Variants in ABCC5 observed in about 807,000 individuals in gnomAD.
ABCC5 encodes ATP binding cassette subfamily C member 5, also known as ATP-binding cassette sub-family C member 5.
ABCC5 carries 61 observed loss-of-function variants against 160.9 expected under a neutral mutation model. That is an observed-to-expected ratio of 0.38 (90% CI 0.31 to 0.47). The LOEUF is 0.47. Among genes scored for constraint, ABCC5 ranks in the 20% least tolerant of loss-of-function variants. ABCC5 has a pLI of 0.99. For missense variants in ABCC5, 1,308 were observed against 1,813.3 expected (o/e 0.72, Z 5.06); for synonymous variants, 666 against 700.6 (o/e 0.95, Z 0.78).
At position 183,956,008 on chromosome 3, in the gene ABCC5, G is replaced by A. The variant is rs139379791; in HGVS notation, c.2483-2738C>T. 1.6e-3 allele frequency among the ~76,000 whole-genome samples: 203 copies of A among 130,754 alleles called. 28 individuals are homozygous for A. The highest frequency in any genetic ancestry group is 5.0e-3 in the Middle Eastern group (1 of 202). 85.8% of individuals were successfully genotyped at this position (130,754 alleles called of 152,430 possible). On this transcript the variant is annotated intron_variant, in intron 17 of 29. Coordinates refer to ENST00000334444, the MANE Select transcript of ABCC5 (RefSeq NM_005688.4). ...TGCAGCTCCATGTGTATATCACATC[G>A]GTTACATGTTCATCCATGTGTATAT...
chr3:183,978,186 C>T (rs1009073105), intron 9 of ABCC5, among the ~76,000 whole-genome samples: 3 of 152,168 alleles, frequency 2.0e-5, no homozygotes, highest in African/African-American at 7.2e-5. Flanking sequence ...ACTATTTGTG[C>T]ATAAGGGCTG....
intron 26 of ABCC5, among the ~76,000 whole-genome samples, chr3:183,933,165 C>CAAAAAAAAAAAAAAAAAAAAAAAA (rs55863712): frequency 1.4e-5 from 1 of 73,726 alleles, no homozygotes; most frequent in African/African-American, 5.3e-5. Flanking sequence ...GAGACTGTCT[C>CAAAAAAAAAAAAAAAAAAAAAAAA]AAAAAAAAAA....
chr3:183,985,302 A>C (rs750873048), intron 5 of ABCC5: 1 of 1,613,030 alleles, frequency 6.2e-7, no homozygotes, highest in Non-Finnish European at 8.5e-7. Flanking sequence ...ACATTACCTT[A>C]CCTGAACTCT....
chr3:183,988,050 T>C lies in ABCC5; in HGVS notation c.444-133A>G, dbSNP rs1719387339. 3.4e-6 allele frequency: 3 copies of C among 887,424 alleles called. No homozygotes were observed. Among genetic ancestry groups the C allele is most frequent in the Admixed American group, 2.3e-5 (1 of 43,114 alleles). 55.0% of individuals were successfully genotyped at this position (887,424 alleles called of 1,614,324 possible). ...AGTCTCTCCTTTAAAATTATGTACA[T>C]AGTCTTCACCTTCTGGGAAAAAATA... is the stretch of plus-strand genomic sequence containing the variant. On this transcript the variant is annotated intron_variant, in intron 4 of 29. Coordinates refer to ENST00000334444, the MANE Select transcript of ABCC5 (RefSeq NM_005688.4). This position sits in a 1 kb window ranked among gnomAD's most constrained non-coding sequence, Gnocchi z 4.4.
intron 16 of ABCC5, 123 bp downstream of exon 16, chr3:183,961,388 A>C (rs2108817240): frequency 1.6e-6 from 2 of 1,261,376 alleles, no homozygotes; most frequent in Admixed American, 2.5e-5. Context: ...TTCACCAGAA[A>C]ACAGGGCCCC....
intron 14 of ABCC5, among the ~76,000 whole-genome samples, chr3:183,964,357 AAAT>A (rs2108822758): frequency 6.6e-6 from 1 of 152,372 alleles, no homozygotes; most frequent in Admixed American, 6.5e-5. Context: ...AACACCTAAT[AAAT>A]GTTACTAAAT....
rs1019605683 is a variant in ABCC5 at position 183,951,675 on chromosome 3, AG to A, written c.2815-106del. ...TCCACTCCCAAAGCGGGGAGGTGTG[AG>A]GGGTCAGGAGGGACAGGTGGCAAGT... On this transcript the variant is annotated intron_variant, in intron 19 of 29. Coordinates refer to ENST00000334444, the MANE Select transcript of ABCC5 (RefSeq NM_005688.4). The surrounding 1 kb of genome is among the most constrained non-coding windows in gnomAD (Gnocchi z 4.7). 3.3e-6 allele frequency: 5 copies of A among 1,502,858 alleles called. No individual in the cohort carries two copies. The Admixed American group carries it at 5.7e-5, about 17-fold the overall frequency. 93.1% of individuals were successfully genotyped at this position (1,502,858 alleles called of 1,614,324 possible). A position where few individuals can be genotyped will look rare whatever the true frequency, so the allele number is the denominator to read the frequency against.
intron 28 of ABCC5, among the ~76,000 whole-genome samples, chr3:183,926,142 G>GCT (rs1712530876): frequency 7.6e-6 from 1 of 132,050 alleles, no homozygotes; most frequent in South Asian, 2.5e-4. Context: ...CCAGCCTATT[G>GCT]TTTTTTTTTT....
At position 183,971,787 on chromosome 3, in the gene ABCC5, T is replaced by C; in HGVS notation, c.1537A>G (p.Thr513Ala). ...CTCTTGTCTTTTTTCATTTTGGGGGTCAGCTTGGGCGAGTTCTGGATACTG... is the reference window on the plus strand; with the variant it reads ...CTCTTGTCTTTTTTCATTTTGGGGGCCAGCTTGGGCGAGTTCTGGATACTG... ...HSSIQNSPKL[T>A]PKMKKDKRAS... Residue 513 changes from threonine (T) to alanine (A), a missense_variant, in exon 11 of 30, where the codon ACC becomes GCC. By Grantham distance (58) the Thr-to-Ala change is moderately conservative. Coordinates refer to ENST00000334444, the MANE Select transcript of ABCC5 (RefSeq NM_005688.4). 6.2e-7 allele frequency: 1 copy of C among 1,614,088 alleles called. No homozygotes were observed. The highest frequency in any genetic ancestry group is 8.5e-7 in the Non-Finnish European group (1 of 1,180,012).
intron 26 of ABCC5, among the ~76,000 whole-genome samples, chr3:183,932,026 T>C (rs1405318875): frequency 3.9e-5 from 6 of 152,186 alleles, no homozygotes; most frequent in African/African-American, 4.8e-5. Flanking sequence ...TTTTTAGCAA[T>C]AGTCAACATT....
chr3:183,952,910 G>A (rs1053023378), intron 18 of ABCC5, among the ~76,000 whole-genome samples, 176 bp downstream of exon 18: 9 of 152,104 alleles, frequency 5.9e-5, no homozygotes, highest in Admixed American at 2.0e-4. Flanking sequence ...GTTGGTCAGC[G>A]TTTTTTTCCT....
At chr3:183,923,416 A>T (rs1712200262) in intron 29 of ABCC5, among the ~76,000 whole-genome samples, 1 of 152,100 alleles carries the variant, frequency 6.6e-6, no homozygotes, top group Admixed American at 6.6e-5. Context: ...TGAGGTCAGA[A>T]GTTCGAGACC....
In ABCC5 at chr3:183,978,490, AG is replaced by A; in HGVS notation, c.1296+12del. The A allele has an allele frequency of 6.2e-7, 1 of 1,605,002 alleles. No homozygotes were observed. Among genetic ancestry groups the A allele is most frequent in the Non-Finnish European group, 8.5e-7 (1 of 1,177,130 alleles). The stretch of plus-strand genomic sequence containing the variant: ...ATTTCTAAAATGTTCCCCATCCCTG[AG>A]GGTTCCCTGACCTGTGCTGCTGTCA... On this transcript the variant is annotated intron_variant, in intron 9 of 29. Coordinates refer to ENST00000334444, the MANE Select transcript of ABCC5 (RefSeq NM_005688.4).
chr3:183,954,643 T>C (rs1225653343), intron 17 of ABCC5, among the ~76,000 whole-genome samples: 4 of 152,164 alleles, frequency 2.6e-5, no homozygotes, highest in Admixed American at 6.5e-5. Context: ...GGTTCAAATA[T>C]ATTCCTGAGG....
chr3:183,983,127 G>T, intron 5 of ABCC5, 120 bp from the exon 6 acceptor site: 4 of 933,496 alleles, frequency 4.3e-6, no homozygotes, highest in Non-Finnish European at 4.9e-6. Flanking sequence ...CGCAAGCAAA[G>T]CAAAACTTTG....
At position 183,988,635 on chromosome 3, in the gene ABCC5, T is replaced by G. The variant is rs1343000548; in HGVS notation, c.380A>C (p.Glu127Ala). The G allele has an allele frequency of 6.2e-7, 1 of 1,613,694 alleles. No individual in the cohort carries two copies. The highest frequency in any genetic ancestry group is 1.3e-5 in the African/African-American group (1 of 74,764). ...AGACCACACGTCTTCCATTGAGAGC[T>G]CCCCCTTCTTGTGGGCCACACGGGC... ...SLARVAHKKG[E>A]LSMEDVWSLS... The change falls in exon 4 of 30, where the codon GAG (glutamate) becomes GCG (alanine). Residue 127 changes from glutamate to alanine, a missense_variant. Around this residue, in one of 3 missense-constraint regions of ABCC5, gnomAD observed 1,142 missense variants for 1,527.1 expected, o/e 0.75. Transcript: ENST00000334444. The surrounding 1 kb of genome is among the most constrained non-coding windows in gnomAD (Gnocchi z 4.4).
At chr3:183,992,633 C>G (rs1719871497) in intron 2 of ABCC5, among the ~76,000 whole-genome samples, 1 of 151,666 alleles carries the variant, frequency 6.6e-6, no homozygotes, top group South Asian at 2.1e-4. Context: ...AAAAAAAATA[C>G]AAAAAATTAG....
intron 9 of ABCC5, 52 bp from the exon 10 acceptor site, chr3:183,977,676 A>G: frequency 1.5e-6 from 2 of 1,314,396 alleles, no homozygotes; most frequent in Non-Finnish European, 2.2e-6. Context: ...ATGCAACTGA[A>G]GTAACCTGAC....
intron 27 of ABCC5, 138 bp from the exon 28 acceptor site, chr3:183,927,581 G>A (rs1712711034): frequency 7.0e-7 from 1 of 1,432,886 alleles, no homozygotes; most frequent in South Asian, 1.4e-5. Flanking sequence ...GAATGAAGGT[G>A]CAGGTGTACT....
Sources: allele counts gnomAD v4.1 joint callset (sites outside exome capture counted in the v4.1 genomes callset), GRCh38; gene constraint gnomAD v4.1.1; regional missense constraint gnomAD v4.1.1; non-coding constraint Gnocchi (gnomAD v3.1); transcripts MANE v1.5; gene names NCBI Gene and HGNC (gene_info 2026-07-23, HGNC 2026-07-21).